Variants in PPP2R2B observed in about 807,000 individuals in gnomAD.
The protein encoded by PPP2R2B is serine/threonine-protein phosphatase 2A 55 kDa regulatory subunit B beta isoform.
Under a neutral mutation model 46.0 loss-of-function variants are expected in PPP2R2B, and 5 were observed. The observed-to-expected ratio is 0.11, with a 90% CI of 0.06 to 0.23. PPP2R2B has a LOEUF of 0.23. Among genes scored for constraint, PPP2R2B ranks in the 10% least tolerant of loss-of-function variants. The pLI is 1.00. For synonymous variants in PPP2R2B, 215 were observed against 206.7 expected (o/e 1.04, Z -0.34); for missense variants, 367 against 575.0 (o/e 0.64, Z 3.70).
intron 1 of PPP2R2B, among the ~76,000 whole-genome samples, chr5:146,960,785 A>T (rs182412935): frequency 4.5e-4 from 68 of 152,316 alleles, no homozygotes; most frequent in African/African-American, 1.6e-3. Context: ...TAACTTTTAA[A>T]ATCAAATAAA....
At chr5:146,969,826 G>A (rs977328039) in intron 1 of PPP2R2B, among the ~76,000 whole-genome samples, 1 of 152,200 alleles carries the variant, frequency 6.6e-6, no homozygotes, top group African/African-American at 2.4e-5. Context: ...TAGGGGAACA[G>A]GTAATTAACC....
intron 2 of PPP2R2B, chr5:146,707,633 C>T: frequency 1.7e-6 from 1 of 598,738 alleles, no homozygotes; most frequent in Non-Finnish European, 3.0e-6. Flanking sequence ...CGGGCTGAAC[C>T]AGGCGGAGAT....
chr5:146,648,047 C>A (rs184110015), intron 6 of PPP2R2B, among the ~76,000 whole-genome samples: 173 of 152,336 alleles, frequency 1.1e-3, no homozygotes, highest in African/African-American at 3.6e-3. Flanking sequence ...TGGAGACTAG[C>A]TAGCTGTGTA....
At chr5:147,016,133 C>G (rs1016889319) in intron 1 of PPP2R2B, among the ~76,000 whole-genome samples, 1 of 151,430 alleles carries the variant, frequency 6.6e-6, no homozygotes, top group African/African-American at 2.4e-5. Context: ...CCCAGGAGTT[C>G]GAGACCAGCC....
At chr5:147,036,511 A>G (rs1756043702) in intron 1 of PPP2R2B, among the ~76,000 whole-genome samples, 1 of 152,200 alleles carries the variant, frequency 6.6e-6, no homozygotes, top group Non-Finnish European at 1.5e-5. Context: ...AACAATTTAT[A>G]TTCATTTGGG....
chr5:146,590,795 C>T (rs941042508), intron 9 of PPP2R2B, among the ~76,000 whole-genome samples: 1 of 152,076 alleles, frequency 6.6e-6, no homozygotes, highest in Non-Finnish European at 1.5e-5. Flanking sequence ...GCTCTGAATT[C>T]GGCCTTTTTA....
chr5:146,593,104 AC>A, intron 8 of PPP2R2B, 42 bp from the exon 9 acceptor site: 1 of 1,490,854 alleles, frequency 6.7e-7, no homozygotes, highest in Non-Finnish European at 9.4e-7. Flanking sequence ...ATTATTTTAA[AC>A]AGTAATTATT....
intron 1 of PPP2R2B, among the ~76,000 whole-genome samples, chr5:147,035,549 G>T (rs1185292757): frequency 6.6e-6 from 1 of 152,154 alleles, no homozygotes; most frequent in African/African-American, 2.4e-5. Flanking sequence ...TTGGGTTCAG[G>T]AAAATCAGAA....
Position 146,587,174 on chromosome 5 carries a change from T to C in PPP2R2B, c.*2773A>G, listed in dbSNP as rs1262164315. On this transcript the variant is annotated 3_prime_UTR_variant, in exon 10 of 10. Transcript: ENST00000394411. ...AAACAGACTGACTTCTATGTGCCAC[T>C]AACTAAGAAATATTGCCAGTACTGG... 6.6e-6 allele frequency: 1 copy of C among 152,236 alleles called. No individual in the cohort carries two copies. Among genetic ancestry groups the C allele is most frequent in the Admixed American group, 6.5e-5 (1 of 15,284 alleles). The allele number at this position is 152,236 out of a possible 1,614,324, so 9.4% of individuals were successfully genotyped here.
At chr5:147,001,468 G>A (rs935410286) in intron 1 of PPP2R2B, among the ~76,000 whole-genome samples, 29 of 152,074 alleles carry the variant, frequency 1.9e-4, no homozygotes, top group African/African-American at 6.8e-4. Context: ...AAGTCAGCAA[G>A]ACCACAAACC....
At chr5:147,034,695 C>T (rs1453452796) in intron 1 of PPP2R2B, among the ~76,000 whole-genome samples, 5 of 151,928 alleles carry the variant, frequency 3.3e-5, no homozygotes, top group African/African-American at 9.7e-5. Context: ...ATCTTTTATT[C>T]CTGTCAATGT....
chr5:146,864,925 G>C (rs543303674), intron 2 of PPP2R2B, among the ~76,000 whole-genome samples: 1 of 152,172 alleles, frequency 6.6e-6, no homozygotes, highest in East Asian at 1.9e-4. Context: ...TAATTACAAA[G>C]GTATTCCTTG....
intron 6 of PPP2R2B, among the ~76,000 whole-genome samples, chr5:146,647,876 C>G (rs1036234274): frequency 6.6e-6 from 1 of 152,192 alleles, no homozygotes; most frequent in East Asian, 1.9e-4. Context: ...TGTAGGCAGG[C>G]CCAGACAGCA....
chr5:147,004,327 C>A (rs1754328390), intron 1 of PPP2R2B, among the ~76,000 whole-genome samples: 1 of 152,128 alleles, frequency 6.6e-6, no homozygotes. Context: ...CCAGATGATG[C>A]AACAATAGGA....
intron 2 of PPP2R2B, among the ~76,000 whole-genome samples, chr5:147,071,392 G>A (rs1757592748): frequency 6.6e-6 from 1 of 152,160 alleles, no homozygotes; most frequent in African/African-American, 2.4e-5. Flanking sequence ...TTTTCAACTA[G>A]TGGCTCTCTA....
intron 2 of PPP2R2B, among the ~76,000 whole-genome samples, chr5:146,713,525 C>CA (rs1561852386): frequency 4.6e-5 from 7 of 152,162 alleles, no homozygotes; most frequent in African/African-American, 1.7e-4. Flanking sequence ...AGACAAGTGA[C>CA]TGCTTTTACA....
At chr5:146,741,928 A>G (rs532842409) in intron 2 of PPP2R2B, among the ~76,000 whole-genome samples, 1 of 152,274 alleles carries the variant, frequency 6.6e-6, no homozygotes, top group South Asian at 2.1e-4. Flanking sequence ...CTATGCCTTT[A>G]GGTAAGAAAT....
intron 2 of PPP2R2B, among the ~76,000 whole-genome samples, chr5:146,752,044 G>A (rs890307351): frequency 6.6e-6 from 1 of 152,126 alleles, no homozygotes; most frequent in African/African-American, 2.4e-5. Context: ...GTAAGGAGGA[G>A]CCACAGAGAC....
At chr5:146,975,182 C>T (rs1254036308) in intron 1 of PPP2R2B, among the ~76,000 whole-genome samples, 2 of 152,130 alleles carry the variant, frequency 1.3e-5, no homozygotes, top group African/African-American at 4.8e-5. Flanking sequence ...ACCCCCAGCC[C>T]CTGGTGAGCA....
Sources: gnomAD v4.1 joint callset for allele counts (sites outside exome capture counted in the v4.1 genomes callset) on GRCh38, gnomAD v4.1.1 for gene constraint, MANE v1.5 for transcripts, NCBI Gene and HGNC (gene_info 2026-07-23, HGNC 2026-07-21) for gene names.